CAPN7: variants seen among roughly 807,000 people sequenced by gnomAD.
CAPN7 encodes calpain-7.
CAPN7 carries 72 observed loss-of-function variants against 115.2 expected under a neutral mutation model. The ratio of observed to expected loss-of-function variants is 0.63; its 90% CI spans 0.52 to 0.76. The LOEUF is 0.76. Among genes scored for constraint, CAPN7 ranks in the 30% least tolerant of loss-of-function variants. The pLI is 0.00. For synonymous variants in CAPN7, 344 were observed against 322.3 expected, an observed-to-expected ratio of 1.07 and a Z score of -0.72; for missense variants, 905 against 971.5, an observed-to-expected ratio of 0.93 and a Z score of 0.91.
chr3:15,212,088 A>G lies in CAPN7; in HGVS notation c.103-16A>G. 6.5e-7 allele frequency: 1 copy of G among 1,545,820 alleles called. No homozygotes were observed. Among genetic ancestry groups the G allele is most frequent in the Non-Finnish European group, 8.8e-7 (1 of 1,132,814 alleles). On this transcript the variant is annotated splice_polypyrimidine_tract_variant and intron_variant, in intron 1 of 20. Transcript: ENST00000253693. ...TAATACATCTATTGGATTCCTTTGAATTCTTTCATTTTTAGGAAGCTGCAC... is the reference window on the plus strand; with the variant it reads ...TAATACATCTATTGGATTCCTTTGAGTTCTTTCATTTTTAGGAAGCTGCAC...
chr3:15,231,585 A>C (rs962159100), intron 9 of CAPN7, among the ~76,000 whole-genome samples: 6 of 151,614 alleles, frequency 4.0e-5, no homozygotes, highest in Non-Finnish European at 2.9e-5. Flanking sequence ...GCTGGAGTGC[A>C]ATGGCACAAT....
Position 15,232,637 on chromosome 3 carries a change from G to A in CAPN7, c.1151G>A (p.Gly384Glu). Residue 384 changes from glycine to glutamate, a missense_variant, in exon 10 of 21, where the codon GGA (glycine) becomes GAA (glutamate). This residue lies in a region of CAPN7 where 620 missense variants were observed against 703.4 expected (regional missense o/e 0.88). Transcript: ENST00000253693. ...GAAAAAGCATACATGAAAGTCATGG[G>A]AGGATATGATTTTCCAGGATCCAAC... ...LIEKAYMKVM[G>E]GYDFPGSNSN... 6.2e-7 allele frequency: 1 copy of A among 1,610,018 alleles called. No homozygotes were observed. Among genetic ancestry groups the A allele is most frequent in the Non-Finnish European group, 8.5e-7 (1 of 1,178,496 alleles).
At position 15,235,808 on chromosome 3, in the gene CAPN7, G is replaced by A. The variant is rs180815245; in HGVS notation, c.1407+663G>A. 1.2e-3 allele frequency among the ~76,000 whole-genome samples: 187 copies of A among 152,248 alleles called. 3 individuals are homozygous for A. Among genetic ancestry groups the A allele is most frequent in the Non-Finnish European group, 4.7e-4 (32 of 68,018 alleles). ...AGGCCATGGACCAGTACCTGTCTGT[G>A]GCCCGGGGGTTGGGGACCCCTGCTC... On this transcript the variant is annotated intron_variant, in intron 12 of 20. Transcript: ENST00000253693.
rs751374087 is a variant in CAPN7 at position 15,246,723 on chromosome 3, T to A, written c.2011-9T>A. 4.4e-6 allele frequency: 7 copies of A among 1,577,718 alleles called. No individual in the cohort carries two copies. The highest frequency in any genetic ancestry group is 3.4e-5 in the South Asian group (3 of 89,540). On this transcript the variant is annotated splice_polypyrimidine_tract_variant and intron_variant, in intron 17 of 20. Coordinates refer to ENST00000253693, the MANE Select transcript of CAPN7 (RefSeq NM_014296.3). Reference sequence around the variant, plus strand: ...AAAATTTATCAATACAGTCTTTTTTTAAATCTAGGTATATTCAGCATGCAG... The same window carrying A: ...AAAATTTATCAATACAGTCTTTTTTAAAATCTAGGTATATTCAGCATGCAG...
intron 8 of CAPN7, among the ~76,000 whole-genome samples, chr3:15,229,482 T>G (rs898756136): frequency 1.3e-5 from 2 of 151,688 alleles, no homozygotes; most frequent in Admixed American, 6.6e-5. Flanking sequence ...TTGCAAAATA[T>G]CTCATTTTTG....
Position 15,230,483 on chromosome 3 carries a change from A to G in CAPN7, c.980A>G (p.Asn327Ser). ...AACAAGGATGGTGAACCAGAATACA[A>G]TCCATGTGGGAAGTATATGGTAAAA... ...PQNKDGEPEY[N>S]PCGKYMVKLH... is the part of the protein sequence containing the mutation. The change falls in exon 9 of 21, where the codon AAT (asparagine) becomes AGT (serine). Residue 327 changes from asparagine to serine, a missense_variant. Transcript: ENST00000253693. 1 of 1,613,258 alleles carries G rather than the reference A, an allele frequency of 6.2e-7. No homozygotes were observed. Among genetic ancestry groups the G allele is most frequent in the Non-Finnish European group, 8.5e-7 (1 of 1,179,344 alleles).
Position 15,206,260 on chromosome 3 carries a change from C to A in CAPN7, c.-236C>A, listed in dbSNP as rs1475548036. ...GTGGGCGGGGCGAGGGCCGCTGGGG[C>A]CGCGAAGTGGGGCGGCCGGGTGGGC... On this transcript the variant is annotated 5_prime_UTR_variant, in exon 1 of 21. Transcript: ENST00000253693. 5 of 397,444 alleles carry A rather than the reference C, an allele frequency of 1.3e-5. No homozygotes were observed. Among genetic ancestry groups the A allele is most frequent in the African/African-American group, 8.5e-5 (4 of 46,798 alleles). 24.6% of individuals were successfully genotyped at this position (397,444 alleles called of 1,614,324 possible).
chr3:15,223,631 T>C, intron 6 of CAPN7, 70 bp downstream of exon 6: 1 of 899,122 alleles, frequency 1.1e-6, no homozygotes, highest in Non-Finnish European at 1.7e-6. Flanking sequence ...TTCAATTTAA[T>C]AGCCTTGAAA....
intron 1 of CAPN7, among the ~76,000 whole-genome samples, chr3:15,208,381 A>C (rs555816388): frequency 6.6e-6 from 1 of 151,934 alleles, no homozygotes; most frequent in East Asian, 1.9e-4. Context: ...TCAAACTGCA[A>C]AGCTCAAGCA....
rs145089568 is a variant in CAPN7 at position 15,230,443 on chromosome 3, A to G, written c.940A>G (p.Ile314Val). 85 of 1,602,464 alleles carry G rather than the reference A, an allele frequency of 5.3e-5. No individual in the cohort carries two copies. The highest frequency in any genetic ancestry group is 6.5e-5 in the Non-Finnish European group (76 of 1,169,694). ...TAATATTTATTTTTCTTACAAAAGCATAATTTACCCTCAAAACAAGGATGG... is the reference window on the plus strand; with the variant it reads ...TAATATTTATTTTTCTTACAAAAGCGTAATTTACCCTCAAAACAAGGATGG... ...RRFNKKLITG[I>V]IYPQNKDGEP... Residue 314 changes from isoleucine to valine, a missense_variant and splice_region_variant, in exon 9 of 21, where the codon ATA becomes GTA. This residue lies in a region of CAPN7 where 620 missense variants were observed against 703.4 expected (regional missense o/e 0.88). Transcript: ENST00000253693.
intron 14 of CAPN7, 56 bp from the exon 15 acceptor site, chr3:15,241,397 A>G: frequency 1.9e-6 from 3 of 1,564,542 alleles, no homozygotes; most frequent in Non-Finnish European, 2.6e-6. Context: ...ATAGTGTTAT[A>G]TTTTAGCTCT....
rs565844313 is a variant in CAPN7, at chr3:15,217,188, C to T, written c.212-237C>T. Among the ~76,000 whole-genome samples the T allele has an allele frequency of 5.3e-5, 8 of 151,014 alleles. No homozygotes were observed. The East Asian group carries it at 7.8e-4, about 15-fold the overall frequency. On this transcript the variant is annotated intron_variant, in intron 2 of 20. Transcript: ENST00000253693. ...CTTGAGCCCGAGGAGGTAGAGGCTG[C>T]AGTCAGCTGTGATTGTGCCACTGCA...
intron 15 of CAPN7, 106 bp from the exon 16 acceptor site, chr3:15,242,072 A>T: frequency 1.4e-6 from 1 of 722,158 alleles, no homozygotes. Flanking sequence ...AAAATTAGAG[A>T]TTTTTTGTGG....
At chr3:15,235,281 A>G (rs1376556299) in intron 12 of CAPN7, 136 bp downstream of exon 12, 3 of 709,212 alleles carry the variant, frequency 4.2e-6, no homozygotes, top group Non-Finnish European at 6.7e-6. Context: ...ACCTACATTA[A>G]CTTGATCTCT....
intron 2 of CAPN7, among the ~76,000 whole-genome samples, chr3:15,214,202 A>G (rs559896333): frequency 1.3e-5 from 2 of 152,328 alleles, no homozygotes; most frequent in East Asian, 3.9e-4. Context: ...TTTAAAGCAT[A>G]ACATAGCTTG....
rs1248170819 is a variant in CAPN7 at position 15,213,866 on chromosome 3, G to GAGTTCAAA, written c.211+1656_211+1663dup. On this transcript the variant is annotated intron_variant, in intron 2 of 20. Transcript: ENST00000253693. ...AGAATAAAGACTTGCCAGTGAAATA[G>GAGTTCAAA]AGTTCAAAAAGGATTTTTTTTTTTT... Among the ~76,000 whole-genome samples the GAGTTCAAA allele has an allele frequency of 3.3e-5, 5 of 151,086 alleles. No individual in the cohort carries two copies. In the East Asian group the frequency reaches 9.7e-4, roughly 29 times the overall value.
chr3:15,214,019 T>C (rs1405310873), intron 2 of CAPN7, among the ~76,000 whole-genome samples: 1 of 151,990 alleles, frequency 6.6e-6, no homozygotes, highest in East Asian at 1.9e-4. Flanking sequence ...TAGCTGAGAC[T>C]ACAGGCGCCT....
At chr3:15,217,216 C>T (rs1559387859) in intron 2 of CAPN7, among the ~76,000 whole-genome samples, 4 of 149,192 alleles carry the variant, frequency 2.7e-5, no homozygotes, top group Middle Eastern at 7.0e-3. Context: ...CCACTGCACT[C>T]TAGCCTGGGT....
chr3:15,217,955 T>C (rs987766982), intron 3 of CAPN7, among the ~76,000 whole-genome samples: 1 of 152,230 alleles, frequency 6.6e-6, no homozygotes, highest in African/African-American at 2.4e-5. Flanking sequence ...TTATTTGCAG[T>C]GTAAAATCTG....
Sources: gnomAD v4.1 joint callset for allele counts (sites outside exome capture counted in the v4.1 genomes callset) on GRCh38, gnomAD v4.1.1 for gene constraint, gnomAD v4.1.1 regional missense constraint, MANE v1.5 for transcripts, NCBI Gene and HGNC (gene_info 2026-07-23, HGNC 2026-07-21) for gene names.